The following PTPRT variants were observed in gnomAD, a reference collection of about 807,000 sequenced individuals.
The protein encoded by PTPRT is protein tyrosine phosphatase receptor type T, also known as receptor-type tyrosine-protein phosphatase T.
A neutral mutation model predicts 176.8 loss-of-function variants in PTPRT; 56 were observed. The observed-to-expected ratio is 0.32, with a 90% confidence interval of 0.26 to 0.40. The LOEUF is 0.40. Ranked by LOEUF, PTPRT falls within the 10% of genes least tolerant of loss-of-function variation. The pLI is 1.00. For synonymous variants in PTPRT, 783 were observed against 739.0 expected (o/e 1.06, Z -0.96); for missense variants, 1,540 against 1,908.2 (o/e 0.81, Z 3.60).
At chr20:42,103,234 C>T (rs1986119532) in intron 25 of PTPRT, among the ~76,000 whole-genome samples, 1 of 152,182 alleles carries the variant, frequency 6.6e-6, no homozygotes, top group Admixed American at 6.5e-5. Context: ...TCAATGTTGC[C>T]ACAGCTCTGA....
chr20:42,865,395 CTG>C (rs2145805888), intron 2 of PTPRT, among the ~76,000 whole-genome samples: 1 of 152,322 alleles, frequency 6.6e-6, no homozygotes, highest in Non-Finnish European at 1.5e-5. Context: ...TCCTTTAAAT[CTG>C]TTTCCAAATA....
chr20:42,450,942 G>A (rs542020851), intron 8 of PTPRT, among the ~76,000 whole-genome samples: 156 of 152,242 alleles, frequency 1.0e-3, no homozygotes, highest in African/African-American at 3.7e-3. Flanking sequence ...TAAAAGCAGA[G>A]AACAACCTAG....
rs574535537 is a variant in PTPRT, at chr20:42,682,611, G to A, written c.860-4452C>T. On this transcript the variant is annotated intron_variant, in intron 6 of 30. Transcript: ENST00000373187. ...TCACAAAGTTTGCAACTAAATTAAG[G>A]AGGAGGAAGTCTTGCCTTCATGGAG... is the stretch of plus-strand genomic sequence containing the variant. Among the ~76,000 whole-genome samples, 25 of 152,334 alleles carry A rather than the reference G, an allele frequency of 1.6e-4. No individual in the cohort carries two copies. In the South Asian group the frequency reaches 5.2e-3, roughly 32 times the overall value.
At chr20:42,957,024 T>C (rs1235953751) in intron 1 of PTPRT, among the ~76,000 whole-genome samples, 1 of 151,908 alleles carries the variant, frequency 6.6e-6, no homozygotes, top group Admixed American at 6.6e-5. Flanking sequence ...AAAGGAGTGG[T>C]TTCATTGGGA....
intron 1 of PTPRT, among the ~76,000 whole-genome samples, chr20:42,986,541 G>A (rs1452690387): frequency 1.3e-5 from 2 of 152,146 alleles, no homozygotes; most frequent in Non-Finnish European, 2.9e-5. Flanking sequence ...ATGGAGCTTT[G>A]TCTAGCCCTA....
At chr20:42,635,360 T>C (rs1326127088) in intron 7 of PTPRT, among the ~76,000 whole-genome samples, 2 of 152,108 alleles carry the variant, frequency 1.3e-5, no homozygotes, top group Non-Finnish European at 2.9e-5. Context: ...AATGGTTAAT[T>C]ATATTCCTGA....
intron 1 of PTPRT, among the ~76,000 whole-genome samples, chr20:42,911,165 A>T (rs545464037): frequency 2.7e-4 from 40 of 150,770 alleles, no homozygotes; most frequent in African/African-American, 9.4e-4. Context: ...CTTTTTTTTT[A>T]AATCATGGTG....
chr20:42,742,627 C>G (rs975477068), intron 6 of PTPRT, among the ~76,000 whole-genome samples: 3 of 152,154 alleles, frequency 2.0e-5, no homozygotes, highest in African/African-American at 7.2e-5. Context: ...GCACACACTC[C>G]TCTGGCCCCA....
intron 1 of PTPRT, among the ~76,000 whole-genome samples, chr20:43,053,009 G>A (rs1301070475): frequency 6.6e-6 from 1 of 151,990 alleles, no homozygotes; most frequent in Non-Finnish European, 1.5e-5. Context: ...TTCACAATAG[G>A]CAAAGGTGGA....
chr20:42,455,179 G>A (rs1441434499), intron 8 of PTPRT, among the ~76,000 whole-genome samples: 1 of 152,132 alleles, frequency 6.6e-6, no homozygotes, highest in East Asian at 1.9e-4. Flanking sequence ...AAGTAAAAGT[G>A]AAATTGAAAA....
At chr20:42,961,580 T>C (rs1184353753) in intron 1 of PTPRT, among the ~76,000 whole-genome samples, 1 of 152,184 alleles carries the variant, frequency 6.6e-6, no homozygotes, top group Non-Finnish European at 1.5e-5. Flanking sequence ...ATGTGGGGTG[T>C]GCACTCCTTT....
At chr20:42,974,578 C>T (rs992946928) in intron 1 of PTPRT, among the ~76,000 whole-genome samples, 3 of 152,258 alleles carry the variant, frequency 2.0e-5, no homozygotes, top group Non-Finnish European at 4.4e-5. Context: ...CGTGAGAACA[C>T]ATTTCCTTTT....
At chr20:42,482,238 G>A (rs1568918749) in intron 7 of PTPRT, among the ~76,000 whole-genome samples, 2 of 152,130 alleles carry the variant, frequency 1.3e-5, no homozygotes, top group African/African-American at 4.8e-5. Context: ...AGAGCAAGGA[G>A]GCTAATGGCC....
intron 1 of PTPRT, among the ~76,000 whole-genome samples, chr20:43,027,709 A>G (rs1161348047): frequency 5.3e-5 from 8 of 152,166 alleles, no homozygotes; most frequent in Non-Finnish European, 8.8e-5. Flanking sequence ...GTGAGAAAAT[A>G]CATTTCTGTT....
intron 7 of PTPRT, among the ~76,000 whole-genome samples, chr20:42,618,145 G>C (rs1281777276): frequency 7.6e-6 from 1 of 132,396 alleles, no homozygotes; most frequent in Non-Finnish European, 1.6e-5. Flanking sequence ...TCGTGTCTTT[G>C]TTCTCGTTGG....
intron 1 of PTPRT, among the ~76,000 whole-genome samples, chr20:42,908,974 T>C (rs751061849): frequency 3.9e-5 from 6 of 152,028 alleles, no homozygotes; most frequent in Non-Finnish European, 5.9e-5. Context: ...CTGGGCAACA[T>C]AGCAGATCCC....
chr20:42,647,394 T>C (rs770547859), intron 7 of PTPRT, among the ~76,000 whole-genome samples: 3 of 152,066 alleles, frequency 2.0e-5, no homozygotes, highest in Non-Finnish European at 4.4e-5. Context: ...AGTAAATAAA[T>C]GGTCCCCTCA....
At chr20:42,608,411 C>A (rs925446609) in intron 7 of PTPRT, among the ~76,000 whole-genome samples, 3 of 152,124 alleles carry the variant, frequency 2.0e-5, no homozygotes, top group Non-Finnish European at 4.4e-5. Flanking sequence ...TGAAAAGCAC[C>A]AAAATCCCTC....
At chr20:42,887,759 C>T (rs1046471245) in intron 1 of PTPRT, among the ~76,000 whole-genome samples, 1 of 152,186 alleles carries the variant, frequency 6.6e-6, no homozygotes, top group African/African-American at 2.4e-5. Context: ...TGGATATGGA[C>T]ACCCAGAAGA....
Sources: gnomAD v4.1 joint callset for allele counts (sites outside exome capture counted in the v4.1 genomes callset) on GRCh38, gnomAD v4.1.1 for gene constraint, MANE v1.5 for transcripts, NCBI Gene and HGNC (gene_info 2026-07-23, HGNC 2026-07-21) for gene names.